Variants in MGAM2 observed in about 807,000 individuals in gnomAD.
MGAM2 encodes maltase-glucoamylase 2 (putative), also known as probable maltase-glucoamylase 2.
In MGAM2, 98 loss-of-function variants were observed where a neutral mutation model predicts 96.1. The observed-to-expected ratio is 1.02, with a 90% CI of 0.87 to 1.21. The LOEUF (loss-of-function observed/expected upper bound fraction) is 1.21. Among genes scored for constraint, MGAM2 ranks in the 50% most tolerant of loss-of-function variants. The pLI is 0.00. For missense variants in MGAM2, 2,055 were observed against 1,182.4 expected (o/e 1.74, Z -10.82); for synonymous variants, 749 against 414.8 (o/e 1.81, Z -9.79).
At chr7:142,154,965 A>T (rs1795695762) in intron 17 of MGAM2, 120 bp downstream of exon 17, 2 of 635,902 alleles carry the variant, frequency 3.1e-6, no homozygotes, top group Non-Finnish European at 5.7e-6. Context: ...AGGATAAAAA[A>T]GTCTTGTATC....
intron 3 of MGAM2, among the ~76,000 whole-genome samples, chr7:142,122,355 GCAAATA>G (rs1408548660): frequency 6.6e-6 from 1 of 152,136 alleles, no homozygotes; most frequent in East Asian, 1.9e-4. Flanking sequence ...TATATACAAT[GCAAATA>G]CAAAGAGTTG....
intron 9 of MGAM2, among the ~76,000 whole-genome samples, chr7:142,137,758 A>C (rs1443373347): frequency 6.6e-6 from 1 of 152,218 alleles, no homozygotes; most frequent in Non-Finnish European, 1.5e-5. Context: ...TGAGAAATGC[A>C]AAAAGAAGTC....
chr7:142,198,573 T>A, intron 43 of MGAM2, 42 bp from the exon 44 acceptor site: 1 of 698,134 alleles, frequency 1.4e-6, no homozygotes, highest in South Asian at 1.5e-5. Context: ...TCATTTAATA[T>A]ATTTATCTCT....
chr7:142,208,516 T>C (rs955620004), intron 45 of MGAM2, 57 bp from the exon 46 acceptor site: 1 of 697,814 alleles, frequency 1.4e-6, no homozygotes, highest in Non-Finnish European at 2.6e-6. Flanking sequence ...CTCAAGATTA[T>C]TTGCTGCAAT....
chr7:142,210,733 C>T (rs1365046774), intron 46 of MGAM2, among the ~76,000 whole-genome samples: 1 of 152,218 alleles, frequency 6.6e-6, no homozygotes, highest in Non-Finnish European at 1.5e-5. Flanking sequence ...GGACAGACAC[C>T]TGGGGGAAGG....
intron 22 of MGAM2, among the ~76,000 whole-genome samples, 185 bp from the exon 23 acceptor site, chr7:142,161,770 A>G (rs1299446145): frequency 6.6e-6 from 1 of 152,214 alleles, no homozygotes; most frequent in Non-Finnish European, 1.5e-5. Flanking sequence ...GGTACCACAG[A>G]CTGACATGTG....
intron 28 of MGAM2, 23 bp downstream of exon 28, chr7:142,171,463 A>AGCAAT (rs1307328985): frequency 1.4e-6 from 1 of 699,900 alleles, no homozygotes; most frequent in Non-Finnish European, 2.6e-6. Flanking sequence ...GAATAAGTTT[A>AGCAAT]GCAATCAGTT....
chr7:142,138,767 G>A (rs1013674516), intron 10 of MGAM2, 100 bp downstream of exon 10: 2 of 617,686 alleles, frequency 3.2e-6, no homozygotes, highest in Non-Finnish European at 5.8e-6. Flanking sequence ...TAAATCATTA[G>A]ATTGATAGAC....
intron 17 of MGAM2, 144 bp downstream of exon 17, chr7:142,154,989 G>A: frequency 1.6e-6 from 1 of 611,064 alleles, no homozygotes; most frequent in Non-Finnish European, 2.9e-6. Context: ...GCCTTAAAAA[G>A]CAGGGTATCA....
chr7:142,183,499 G>A (rs746391131), intron 33 of MGAM2, 126 bp downstream of exon 33: 10 of 598,912 alleles, frequency 1.7e-5, no homozygotes, highest in African/African-American at 1.3e-4. Flanking sequence ...AAATCTGTCC[G>A]ATGCTGATTA....
At chr7:142,177,118 A>G (rs1333852866) in intron 32 of MGAM2, among the ~76,000 whole-genome samples, 1 of 152,162 alleles carries the variant, frequency 6.6e-6, no homozygotes, top group Non-Finnish European at 1.5e-5. Context: ...TCACGCTGCC[A>G]ATAAAGACAT....
chr7:142,116,485 C>G (rs540159799), intron 1 of MGAM2, among the ~76,000 whole-genome samples: 1 of 152,218 alleles, frequency 6.6e-6, no homozygotes, highest in Non-Finnish European at 1.5e-5. Context: ...CCTGAGCATA[C>G]CTTCCTGTCT....
At chr7:142,194,786 G>A (rs1317366828) in intron 37 of MGAM2, among the ~76,000 whole-genome samples, 1 of 150,236 alleles carries the variant, frequency 6.7e-6, no homozygotes, top group Non-Finnish European at 1.5e-5. Flanking sequence ...AACCCAAATG[G>A]ATTAGTTTAC....
chr7:142,194,155 C>T (rs989963288), intron 37 of MGAM2, among the ~76,000 whole-genome samples: 3 of 152,054 alleles, frequency 2.0e-5, no homozygotes, highest in African/African-American at 7.2e-5. Context: ...GCCTCAGCCT[C>T]CCTAGTAGCT....
chr7:142,129,084 A>C (rs1185708590), intron 3 of MGAM2, among the ~76,000 whole-genome samples: 1 of 152,220 alleles, frequency 6.6e-6, no homozygotes, highest in Admixed American at 6.5e-5. Context: ...CTCTCACATC[A>C]GCATGACCTG....
rs1318502537 is a variant in MGAM2, at chr7:142,196,452, T to C, written c.4481-113T>C. The C allele has an allele frequency of 4.5e-6, 3 of 668,102 alleles. No homozygotes were observed. In the African/African-American group the frequency reaches 5.4e-5, roughly 12 times the overall value. 41.4% of individuals were successfully genotyped at this position (668,102 alleles called of 1,614,324 possible). A position where few individuals can be genotyped will look rare whatever the true frequency, so the allele number is the denominator to read the frequency against. On this transcript the variant is annotated intron_variant, in intron 38 of 47. Transcript: ENST00000477922. ...ATTTTAATTTACACCCATCTTTTAA[T>C]ATTTTCATCATGGTCCAGGGCTTTC... is the stretch of plus-strand genomic sequence containing the variant.
intron 31 of MGAM2, among the ~76,000 whole-genome samples, chr7:142,174,978 C>T (rs1391436277): frequency 6.6e-6 from 1 of 152,058 alleles, no homozygotes; most frequent in Non-Finnish European, 1.5e-5. Flanking sequence ...CTCGGCCTCC[C>T]GAAGTGCTGA....
intron 45 of MGAM2, among the ~76,000 whole-genome samples, chr7:142,202,365 G>T (rs1797265243): frequency 6.6e-6 from 1 of 152,120 alleles, no homozygotes; most frequent in Non-Finnish European, 1.5e-5. Flanking sequence ...CAGGTTTGTT[G>T]CATGGATGTA....
rs1198193989 is a variant in MGAM2, at chr7:142,161,201, G to A, written c.2422G>A (p.Gly808Ser). 3 of 702,232 alleles carry A rather than the reference G, an allele frequency of 4.3e-6. No homozygotes were observed. The highest frequency in any genetic ancestry group is 3.5e-5 in the African/African-American group (2 of 57,210). 43.5% of individuals were successfully genotyped at this position (702,232 alleles called of 1,614,324 possible). Reference sequence around the variant, plus strand: ...AAAGGGGGAGCTGTACTGGGATGACGGTGTATCTAAAGGTAGACTTTCTCA... The same window carrying A: ...AAAGGGGGAGCTGTACTGGGATGACAGTGTATCTAAAGGTAGACTTTCTCA... ...EAKGELYWDD[G>S]VSKDAVTEKK... is the part of the protein sequence containing the mutation. Residue 808 changes from glycine to serine, a missense_variant, in exon 22 of 48, where the codon GGT (glycine) becomes AGT (serine). By Grantham distance (56) the Gly-to-Ser change is moderately conservative. Transcript: ENST00000477922.
Sources: gnomAD v4.1 joint callset for allele counts (sites outside exome capture counted in the v4.1 genomes callset) on GRCh38, gnomAD v4.1.1 for gene constraint, MANE v1.5 for transcripts, NCBI Gene and HGNC (gene_info 2026-07-23, HGNC 2026-07-21) for gene names.